Variants in RBFOX1 observed in about 807,000 individuals in gnomAD.
RBFOX1 encodes RNA binding fox-1 homolog 1, also known as RNA binding protein fox-1 homolog 1.
In RBFOX1, 8 loss-of-function variants were observed where a neutral mutation model predicts 57.7. The observed-to-expected ratio is 0.14, with a 90% CI of 0.08 to 0.25. RBFOX1 has a LOEUF of 0.25. Among genes scored for constraint, RBFOX1 ranks in the 10% least tolerant of loss-of-function variants. The probability of loss-of-function intolerance (pLI) is 1.00; values close to 1 mark genes in which losing one functional copy is unlikely to be tolerated. For synonymous variants in RBFOX1, 326 were observed against 222.4 expected, an observed-to-expected ratio of 1.47 and a Z score of -4.15; for missense variants, 611 against 548.5, an observed-to-expected ratio of 1.11 and a Z score of -1.14.
chr16:6,864,527 C>A (rs1364928395), intron 3 of RBFOX1, among the ~76,000 whole-genome samples: 2 of 150,558 alleles, frequency 1.3e-5, no homozygotes, highest in Non-Finnish European at 2.9e-5. Context: ...AGTTTTAAAC[C>A]CCCCTATTCT....
chr16:5,863,284 C>G (rs997518192), intron 3 of RBFOX1, among the ~76,000 whole-genome samples: 1 of 152,240 alleles, frequency 6.6e-6, no homozygotes, highest in African/African-American at 2.4e-5. Context: ...ACAAAGCTTT[C>G]AAGAGAGTCC....
chr16:6,921,009 G>C (rs188010537), intron 3 of RBFOX1, among the ~76,000 whole-genome samples: 1 of 152,146 alleles, frequency 6.6e-6, no homozygotes, highest in East Asian at 1.9e-4. Flanking sequence ...TGTTTGACTG[G>C]AACACAGTAT....
rs527432987 is a variant in RBFOX1 at position 7,346,233 on chromosome 16, G to C, written c.28-171914G>C. 2.0e-5 allele frequency among the ~76,000 whole-genome samples: 3 copies of C among 152,120 alleles called. No individual in the cohort carries two copies. In the East Asian group the frequency reaches 5.9e-4, roughly 30 times the overall value. On this transcript the variant is annotated intron_variant, in intron 4 of 15. Transcript: ENST00000550418. ...TTCTTAATCCAGTCTGTCATTGATG[G>C]ACATTTGGTTTGGTTCCAAGCAATG...
chr16:5,661,031 G>C (rs1008619563), intron 3 of RBFOX1, among the ~76,000 whole-genome samples: 2 of 152,154 alleles, frequency 1.3e-5, no homozygotes, highest in Non-Finnish European at 2.9e-5. Context: ...GGCTGGGAGT[G>C]CTAATTCAAT....
At chr16:7,193,303 C>T (rs747060610) in intron 4 of RBFOX1, among the ~76,000 whole-genome samples, 14 of 152,122 alleles carry the variant, frequency 9.2e-5, no homozygotes, top group Non-Finnish European at 1.3e-4. Flanking sequence ...CAGCAGGCTG[C>T]CGCTAGAGTC....
chr16:6,460,445 A>G (rs926502803), intron 2 of RBFOX1, among the ~76,000 whole-genome samples: 8 of 149,202 alleles, frequency 5.4e-5, no homozygotes, highest in African/African-American at 1.7e-4. Context: ...AAGGCTATGA[A>G]CAGACACTTC....
At chr16:7,086,371 G>A (rs938061600) in intron 4 of RBFOX1, among the ~76,000 whole-genome samples, 1 of 151,916 alleles carries the variant, frequency 6.6e-6, no homozygotes, top group African/African-American at 2.4e-5. Context: ...CTCCCCTTCT[G>A]TACATTGTAT....
chr16:5,740,838 G>T (rs191287967), intron 3 of RBFOX1, among the ~76,000 whole-genome samples: 4 of 152,208 alleles, frequency 2.6e-5, no homozygotes, highest in African/African-American at 9.6e-5. Flanking sequence ...GCGTCTCCTT[G>T]TCTCTGATGA....
chr16:6,863,214 T>C (rs1603633762), intron 3 of RBFOX1, among the ~76,000 whole-genome samples: 2 of 152,152 alleles, frequency 1.3e-5, no homozygotes, highest in Admixed American at 1.3e-4. Context: ...GAGAAGGACA[T>C]GGCACAAAAC....
At chr16:6,772,118 C>T (rs1398196748) in intron 3 of RBFOX1, among the ~76,000 whole-genome samples, 1 of 152,130 alleles carries the variant, frequency 6.6e-6, no homozygotes, top group East Asian at 1.9e-4. Context: ...CCTTTCAATG[C>T]TGTTAACTTC....
intron 1 of RBFOX1, among the ~76,000 whole-genome samples, chr16:6,100,229 C>T (rs546704484): frequency 6.6e-6 from 1 of 151,990 alleles, no homozygotes; most frequent in Non-Finnish European, 1.5e-5. Flanking sequence ...GTGGCCCGAT[C>T]TCGGCTCACT....
chr16:6,533,787 C>G (rs1370593145), intron 2 of RBFOX1, among the ~76,000 whole-genome samples: 2 of 152,142 alleles, frequency 1.3e-5, no homozygotes, highest in South Asian at 4.2e-4. Flanking sequence ...TGGAAGGGAA[C>G]ATAAACATCT....
intron 1 of RBFOX1, among the ~76,000 whole-genome samples, chr16:6,307,567 A>G (rs7192180): frequency 0.099 from 14,647 of 148,518 alleles, 1,020 homozygotes; most frequent in African/African-American, 0.2. Context: ...ATATCATTTA[A>G]TAATATATAA....
At chr16:7,606,623 C>G (rs754014130) in intron 9 of RBFOX1, among the ~76,000 whole-genome samples, 3 of 152,146 alleles carry the variant, frequency 2.0e-5, no homozygotes, top group Non-Finnish European at 2.9e-5. Context: ...TTACAAAAAA[C>G]TCTCCATCCA....
At chr16:7,403,826 G>A (rs558849639) in intron 4 of RBFOX1, among the ~76,000 whole-genome samples, 5 of 151,674 alleles carry the variant, frequency 3.3e-5, no homozygotes, top group South Asian at 2.1e-4. Context: ...GATTATAGGC[G>A]TGAGCCACCA....
At chr16:6,318,976 A>G (rs1449737874) in intron 2 of RBFOX1, among the ~76,000 whole-genome samples, 3 of 151,904 alleles carry the variant, frequency 2.0e-5, no homozygotes, top group Non-Finnish European at 4.4e-5. Context: ...CCAAGCAGTC[A>G]CTTCCTCTGG....
intron 2 of RBFOX1, among the ~76,000 whole-genome samples, chr16:5,514,232 T>C (rs552901174): frequency 6.6e-6 from 1 of 152,306 alleles, no homozygotes; most frequent in African/African-American, 2.4e-5. Flanking sequence ...GGGTCTACTG[T>C]TGGCTGACCG....
chr16:6,394,217 A>G (rs951564196), intron 2 of RBFOX1, among the ~76,000 whole-genome samples: 8 of 152,202 alleles, frequency 5.3e-5, no homozygotes, highest in African/African-American at 1.9e-4. Flanking sequence ...ACCTTGAGCA[A>G]TCTGCTTAAT....
At chr16:7,072,378 A>G (rs573521418) in intron 4 of RBFOX1, among the ~76,000 whole-genome samples, 78 of 152,232 alleles carry the variant, frequency 5.1e-4, no homozygotes, top group African/African-American at 1.8e-3. Flanking sequence ...TTTGTGGTTT[A>G]CTTGGTCATG....
Sources: gnomAD v4.1 joint callset for allele counts (sites outside exome capture counted in the v4.1 genomes callset) on GRCh38, gnomAD v4.1.1 for gene constraint, MANE v1.5 for transcripts, NCBI Gene and HGNC (gene_info 2026-07-23, HGNC 2026-07-21) for gene names.